The following MAP3K1 variants were observed in gnomAD, a reference collection of about 807,000 sequenced individuals.
MAP3K1 encodes MAP/ERK kinase kinase 1.
MAP3K1 carries 36 observed loss-of-function variants against 144.2 expected under a neutral mutation model. The ratio of observed to expected loss-of-function variants is 0.25; its 90% CI spans 0.19 to 0.33. The LOEUF is 0.33. Among genes scored for constraint, MAP3K1 ranks in the 10% least tolerant of loss-of-function variants. The probability of loss-of-function intolerance (pLI) is 1.00; values close to 1 mark genes in which losing one functional copy is unlikely to be tolerated. For missense variants in MAP3K1, 1,650 were observed against 1,881.9 expected (o/e 0.88, Z 2.28); for synonymous variants, 718 against 688.7 (o/e 1.04, Z -0.67).
chr5:56,865,265 G>A (rs558071046), intron 4 of MAP3K1, 75 bp from the exon 5 acceptor site: 6 of 887,224 alleles, frequency 6.8e-6, no homozygotes, highest in South Asian at 5.7e-5. Flanking sequence ...TGGAAATATT[G>A]TAAAAGTGAT....
intron 7 of MAP3K1, 134 bp downstream of exon 7, chr5:56,872,165 C>G: frequency 8.5e-7 from 1 of 1,175,370 alleles, no homozygotes; most frequent in Non-Finnish European, 1.2e-6. Flanking sequence ...GTCCTAAGTC[C>G]TATGTGAAAA....
In MAP3K1 at chr5:56,893,527, A is replaced by G; in HGVS notation, c.4390-4A>G. On this transcript the variant is annotated splice_region_variant and splice_polypyrimidine_tract_variant and intron_variant, in intron 19 of 19. Coordinates refer to ENST00000399503, the MANE Select transcript of MAP3K1 (RefSeq NM_005921.2). ...AAGCTTCAACACTGGCTTTTTCTCC[A>G]CAGATTGCTAGTGCAACTACTGCTC... is the stretch of plus-strand genomic sequence containing the variant. 1.9e-6 allele frequency: 3 copies of G among 1,613,832 alleles called. No individual in the cohort carries two copies. Among genetic ancestry groups the G allele is most frequent in the Non-Finnish European group, 1.7e-6 (2 of 1,179,768 alleles).
At chr5:56,821,668 G>A (rs1190058637) in intron 1 of MAP3K1, among the ~76,000 whole-genome samples, 1 of 152,082 alleles carries the variant, frequency 6.6e-6, no homozygotes, top group Non-Finnish European at 1.5e-5. Context: ...ATGGGTGCAA[G>A]CCACTGTGTC....
At chr5:56,844,191 T>TG (rs1746909729) in intron 1 of MAP3K1, among the ~76,000 whole-genome samples, 4 of 133,842 alleles carry the variant, frequency 3.0e-5, no homozygotes, top group Admixed American at 7.3e-5. Flanking sequence ...TGGTTTTTTT[T>TG]TTTTTTTTTT....
intron 1 of MAP3K1, among the ~76,000 whole-genome samples, chr5:56,834,738 ATAT>A (rs1458896136): frequency 6.6e-6 from 1 of 152,166 alleles, no homozygotes; most frequent in African/African-American, 2.4e-5. Flanking sequence ...GATGAGAGAA[ATAT>A]TGTTGTGCTT....
At chr5:56,829,110 C>T (rs1746407423) in intron 1 of MAP3K1, among the ~76,000 whole-genome samples, 1 of 151,840 alleles carries the variant, frequency 6.6e-6, no homozygotes, top group Non-Finnish European at 1.5e-5. Context: ...CTGATTTAAT[C>T]ATTGTAATTG....
chr5:56,819,562 A>G (rs1277698039), intron 1 of MAP3K1, among the ~76,000 whole-genome samples: 1 of 152,220 alleles, frequency 6.6e-6, no homozygotes, highest in East Asian at 1.9e-4. Flanking sequence ...ATGGATTACC[A>G]TGAGGAAAAA....
intron 3 of MAP3K1, among the ~76,000 whole-genome samples, chr5:56,862,595 GA>G (rs1431574521): frequency 6.6e-6 from 1 of 152,086 alleles, no homozygotes; most frequent in African/African-American, 2.4e-5. Flanking sequence ...TTTAATGAAT[GA>G]TATACTAATG....
intron 9 of MAP3K1, 102 bp downstream of exon 9, chr5:56,873,107 T>C: frequency 1.8e-6 from 2 of 1,098,772 alleles, no homozygotes; most frequent in Admixed American, 2.0e-5. Flanking sequence ...AAAACACTTT[T>C]ACTTGCCTCC....
intron 1 of MAP3K1, chr5:56,852,221 T>G (rs1053217983): frequency 6.6e-5 from 10 of 152,136 alleles, no homozygotes; most frequent in Admixed American, 2.6e-4. Flanking sequence ...ATGGTACTGA[T>G]GAAGATGATT....
At chr5:56,851,203 C>T (rs1747159085) in intron 1 of MAP3K1, among the ~76,000 whole-genome samples, 1 of 152,212 alleles carries the variant, frequency 6.6e-6, no homozygotes, top group Admixed American at 6.5e-5. Context: ...GCCTCGGCCT[C>T]TCAAAGTGCT....
In MAP3K1 at chr5:56,889,969, G is replaced by A. The variant is rs530138369; in HGVS notation, c.4389+1612G>A. Reference sequence around the variant, plus strand: ...CTATTCTTTCAGACGTCCCATGTCCGTTCTCTACGTGGTTCAAATTCTTAT... The same window carrying A: ...CTATTCTTTCAGACGTCCCATGTCCATTCTCTACGTGGTTCAAATTCTTAT... On this transcript the variant is annotated intron_variant, in intron 19 of 19. Coordinates refer to ENST00000399503, the MANE Select transcript of MAP3K1 (RefSeq NM_005921.2). Among the ~76,000 whole-genome samples the A allele has an allele frequency of 1.3e-3, 193 of 152,056 alleles. No homozygotes were observed. The South Asian group carries it at 0.018, about 14-fold the overall frequency.
rs749806202 is a variant in MAP3K1, at chr5:56,882,851, C to G, written c.3651C>G (p.Ile1217Met). The G allele has an allele frequency of 3.7e-6, 6 of 1,609,280 alleles. No homozygotes were observed. The highest frequency in any genetic ancestry group is 5.1e-6 in the Non-Finnish European group (6 of 1,179,362). The change falls in exon 14 of 20, where the codon ATC becomes ATG. Residue 1217 changes from isoleucine to methionine, a missense_variant. By Grantham distance (10) the Ile-to-Met change is conservative (BLOSUM62 1). Transcript: ENST00000399503. ...QLQVENGEDI[I>M]IIQQDTPETL... The stretch of plus-strand genomic sequence containing the variant: ...AGGTTGAAAATGGAGAAGATATCAT[C>G]ATTATTCAACAGGATGTAAGTATAG...
intron 19 of MAP3K1, among the ~76,000 whole-genome samples, chr5:56,890,938 C>T (rs1174760620): frequency 6.6e-6 from 1 of 151,824 alleles, no homozygotes; most frequent in African/African-American, 2.4e-5. Flanking sequence ...CCAGGGTACT[C>T]AGGAGGTTGA....
chr5:56,831,031 T>C (rs1746472581), intron 1 of MAP3K1, among the ~76,000 whole-genome samples: 1 of 152,190 alleles, frequency 6.6e-6, no homozygotes, highest in South Asian at 2.1e-4. Context: ...TTTAAAATGT[T>C]AATTCATTCC....
intron 1 of MAP3K1, among the ~76,000 whole-genome samples, chr5:56,847,461 G>A (rs1445787063): frequency 6.6e-6 from 1 of 152,220 alleles, no homozygotes; most frequent in East Asian, 1.9e-4. Flanking sequence ...GCTGGGCGTT[G>A]TGTTGGGCGT....
chr5:56,834,528 A>G (rs1376030318), intron 1 of MAP3K1, among the ~76,000 whole-genome samples: 1 of 152,184 alleles, frequency 6.6e-6, no homozygotes, highest in Non-Finnish European at 1.5e-5. Flanking sequence ...CCTGGCCAAC[A>G]TGGTAAAACC....
intron 1 of MAP3K1, among the ~76,000 whole-genome samples, chr5:56,837,451 C>T (rs1024187430): frequency 2.6e-5 from 4 of 152,050 alleles, no homozygotes; most frequent in African/African-American, 9.7e-5. Flanking sequence ...GGAGCTCTTC[C>T]CTCTTTCTGC....
intron 1 of MAP3K1, among the ~76,000 whole-genome samples, chr5:56,820,129 T>C (rs1002174984): frequency 2.0e-4 from 30 of 152,260 alleles, no homozygotes; most frequent in Admixed American, 1.1e-3. Flanking sequence ...GCCTTCTGTG[T>C]GTGTGTATGA....
Sources: allele counts gnomAD v4.1 joint callset (sites outside exome capture counted in the v4.1 genomes callset), GRCh38; gene constraint gnomAD v4.1.1; transcripts MANE v1.5; gene names NCBI Gene and HGNC (gene_info 2026-07-23, HGNC 2026-07-21).